Variants in LIG3 observed in about 807,000 individuals in gnomAD.
LIG3 encodes DNA ligase 3, also known as ligase II, DNA, ATP-dependent.
Under a neutral mutation model 110.9 loss-of-function variants are expected in LIG3, and 58 were observed. The ratio of observed to expected loss-of-function variants is 0.52; its 90% CI spans 0.42 to 0.65. The LOEUF (loss-of-function observed/expected upper bound fraction) is 0.65, where lower values mean the gene tolerates loss of function less well. Among genes scored for constraint, LIG3 ranks in the 30% least tolerant of loss-of-function variants. The pLI, the probability that LIG3 is intolerant of heterozygous loss-of-function variation, is 0.00. For synonymous variants in LIG3, 422 were observed against 472.8 expected, an observed-to-expected ratio of 0.89 and a Z score of 1.39; for missense variants, 1,094 against 1,273.8, an observed-to-expected ratio of 0.86 and a Z score of 2.15.
At chr17:34,986,263 G>A (rs2090654160) in intron 3 of LIG3, 132 bp downstream of exon 3, 1 of 861,966 alleles carries the variant, frequency 1.2e-6, no homozygotes, top group Admixed American at 2.3e-5. Context: ...TCTGAGCAGA[G>A]ACTGGTAATG....
intron 19 of LIG3, chr17:35,003,306 C>CTT (rs375089909): frequency 1.5e-4 from 80 of 528,276 alleles, no homozygotes; most frequent in Middle Eastern, 5.9e-4. Context: ...CTGAGCAATT[C>CTT]TTTTTTTTTT....
intron 8 of LIG3, among the ~76,000 whole-genome samples, chr17:34,993,514 G>A (rs2090747379): frequency 6.6e-6 from 1 of 152,204 alleles, no homozygotes; most frequent in African/African-American, 2.4e-5. Flanking sequence ...GCCTCCTGGA[G>A]TCTGTTCTAT....
chr17:34,991,588 G>T, intron 5 of LIG3, 83 bp from the exon 6 acceptor site: 1 of 1,376,386 alleles, frequency 7.3e-7, no homozygotes, highest in Non-Finnish European at 1.0e-6. Flanking sequence ...GAAATTTCTT[G>T]ATTCATCTTC....
At chr17:34,991,927 A>G in intron 6 of LIG3, 31 bp from the exon 7 acceptor site, 1 of 1,614,024 alleles carries the variant, frequency 6.2e-7, no homozygotes, top group South Asian at 1.1e-5. Flanking sequence ...GAGCTCTTCA[A>G]GACCAAGTTA....
intron 8 of LIG3, among the ~76,000 whole-genome samples, chr17:34,993,350 T>G (rs2090745689): frequency 6.6e-6 from 1 of 152,252 alleles, no homozygotes; most frequent in Non-Finnish European, 1.5e-5. Context: ...TTTGTCATAC[T>G]AAAACCTTGG....
rs3136022 is a variant in LIG3 at position 35,001,397 on chromosome 17, A to G, written c.2472A>G (p.Gln824=). The change falls in exon 17 of 20, where the codon CAA becomes CAG. Residue 824 remains glutamine, a synonymous_variant. Transcript: ENST00000378526. ...GGAAATCTGCCACTAACCTTCCCCA[A>G]CTCAAGGTAGCAGCTCTTAGGCTGT... The part of the protein sequence containing the change: ...KDWKSATNLP[Q]LKELYQLSKE... 4.8e-3 allele frequency: 7,777 copies of G among 1,613,872 alleles called. 332 individuals carry two copies. The African/African-American group carries it at 0.09, about 19-fold the overall frequency.
intron 3 of LIG3, among the ~76,000 whole-genome samples, chr17:34,986,850 A>G (rs1390896468): frequency 6.6e-6 from 1 of 152,166 alleles, no homozygotes; most frequent in Non-Finnish European, 1.5e-5. Context: ...TCATGCATGG[A>G]TCTCCCTTCT....
At chr17:34,996,903 T>G in intron 11 of LIG3, 2 of 464,618 alleles carry the variant, frequency 4.3e-6, no homozygotes, top group South Asian at 3.5e-5. Flanking sequence ...CTCTGAGAGC[T>G]TAAGTCACAG....
At chr17:34,984,116 T>TG (rs1683684369) in intron 2 of LIG3, among the ~76,000 whole-genome samples, 1 of 152,254 alleles carries the variant, frequency 6.6e-6, no homozygotes, top group African/African-American at 2.4e-5. Context: ...TTGTCCTTGA[T>TG]GTAATACTTA....
intron 9 of LIG3, among the ~76,000 whole-genome samples, chr17:34,994,856 C>T (rs1015974036): frequency 2.6e-5 from 4 of 152,182 alleles, no homozygotes; most frequent in African/African-American, 9.7e-5. Context: ...CCCATTGTTA[C>T]AGCTGGTGGG....
Position 34,983,476 on chromosome 17 carries a change from CGAG to C in LIG3, c.474_476del (p.Glu158del). On this transcript the variant is annotated inframe_deletion, in exon 2 of 20. Coordinates refer to ENST00000378526, the MANE Select transcript of LIG3 (RefSeq NM_013975.4). ...GGGCCCGGGCCACCACAAAAAAAAT[CGAG>C]GACCTCACAGAGCTGGAAGGCTGGG... 1 of 1,614,020 alleles carries C rather than the reference CGAG, an allele frequency of 6.2e-7. No homozygotes were observed. The highest frequency in any genetic ancestry group is 8.5e-7 in the Non-Finnish European group (1 of 1,180,010).
chr17:35,002,421 A>G (rs1429178443), intron 18 of LIG3, among the ~76,000 whole-genome samples: 1 of 152,222 alleles, frequency 6.6e-6, no homozygotes, highest in Non-Finnish European at 1.5e-5. Flanking sequence ...CTCATAGCAG[A>G]GAAAGCCCCT....
rs1306395065 is a variant in LIG3 at position 34,992,026 on chromosome 17, C to T, written c.1277C>T (p.Ala426Val). 6.2e-7 allele frequency: 1 copy of T among 1,613,824 alleles called. No homozygotes were observed. The highest frequency in any genetic ancestry group is 1.3e-5 in the African/African-American group (1 of 74,934). ...IKHDLKMNSG[A>V]KHVLDALDPN... ...CATGATCTGAAGATGAACTCAGGTG[C>T]AAAACATGTGTAAGTAGCAGCTCCG... The change falls in exon 7 of 20, where the codon GCA (alanine) becomes GTA (valine). Residue 426 changes from alanine to valine, a missense_variant. Coordinates refer to ENST00000378526, the MANE Select transcript of LIG3 (RefSeq NM_013975.4).
chr17:35,003,570 C>A (rs1192670990), intron 19 of LIG3: 1 of 163,036 alleles, frequency 6.1e-6, no homozygotes, highest in African/African-American at 2.4e-5. Flanking sequence ...CTGCCTTGGT[C>A]TCCCAAAGTG....
intron 2 of LIG3, 107 bp downstream of exon 2, chr17:34,983,659 T>TG (rs1221745613): frequency 1.8e-5 from 20 of 1,113,598 alleles, no homozygotes; most frequent in Non-Finnish European, 2.4e-5. Flanking sequence ...CTTTTAGAGA[T>TG]GGGGTCTCAC....
chr17:34,982,516 G>A (rs141118400), intron 1 of LIG3, among the ~76,000 whole-genome samples: 515 of 152,000 alleles, frequency 3.4e-3, no homozygotes, highest in Middle Eastern at 6.8e-3. Context: ...GCGTGGTGGC[G>A]CATGCCTGTA....
chr17:34,996,288 T>C (rs1010634883), intron 10 of LIG3, 93 bp downstream of exon 10: 29 of 1,382,302 alleles, frequency 2.1e-5, no homozygotes, highest in Non-Finnish European at 2.9e-5. Context: ...GGAGGAAATA[T>C]CCCTTAGTGT....
rs985451847 is a variant in LIG3 at position 35,004,334 on chromosome 17, G to C, written c.2858G>C (p.Ser953Thr). Residue 953 changes from serine to threonine, a missense_variant, in exon 20 of 20, where the codon AGC becomes ACC. Physicochemically the swap from Ser to Thr is moderately conservative, Grantham distance 58 (BLOSUM62 1). Coordinates refer to ENST00000378526, the MANE Select transcript of LIG3 (RefSeq NM_013975.4). ...LYLPPSTPDFSRLRRYFVAFD... is the reference protein window; with the variant it reads ...LYLPPSTPDFTRLRRYFVAFD... ...TTGCCACCCTCCACACCAGACTTCA[G>C]CCGTCTCAGACGCTACTTTGTGGCA... 2.5e-6 allele frequency: 4 copies of C among 1,614,172 alleles called. No homozygotes were observed. The highest frequency in any genetic ancestry group is 1.3e-5 in the African/African-American group (1 of 75,024).
At chr17:35,000,533 C>T (rs1224521351) in intron 16 of LIG3, among the ~76,000 whole-genome samples, 1 of 151,904 alleles carries the variant, frequency 6.6e-6, no homozygotes, top group South Asian at 2.1e-4. Flanking sequence ...GCTGGGATTA[C>T]AGGCGTGAGC....
Sources: allele counts gnomAD v4.1 joint callset (sites outside exome capture counted in the v4.1 genomes callset), GRCh38; gene constraint gnomAD v4.1.1; transcripts MANE v1.5; gene names NCBI Gene and HGNC (gene_info 2026-07-23, HGNC 2026-07-21).